Variants in ASAP2 observed in about 807,000 individuals in gnomAD.
ASAP2 encodes the protein arf-GAP with SH3 domain, ANK repeat and PH domain-containing protein 2.
ASAP2 carries 45 observed loss-of-function variants against 131.4 expected under a neutral mutation model. The observed-to-expected ratio is 0.34, with a 90% CI of 0.27 to 0.44. ASAP2 has a LOEUF of 0.44. Ranked by LOEUF, ASAP2 falls within the 20% of genes least tolerant of loss-of-function variation. The pLI is 1.00. For synonymous variants in ASAP2, 510 were observed against 503.0 expected (o/e 1.01, Z -0.19); for missense variants, 1,011 against 1,297.0 (o/e 0.78, Z 3.39).
intron 3 of ASAP2, 52 bp downstream of exon 3, chr2:9,297,497 C>A: frequency 6.2e-7 from 1 of 1,602,232 alleles, no homozygotes; most frequent in Non-Finnish European, 8.5e-7. Context: ...GGGAAAGTGG[C>A]TCAGTAGAGG....
At chr2:9,269,748 G>A (rs1009811514) in intron 1 of ASAP2, among the ~76,000 whole-genome samples, 1 of 152,178 alleles carries the variant, frequency 6.6e-6, no homozygotes, top group African/African-American at 2.4e-5. Flanking sequence ...CTGAGGAACT[G>A]AATTTGAAAT....
rs1196162984 is a variant in ASAP2, at chr2:9,391,056, G to T, written c.2384-6G>T. The T allele has an allele frequency of 1.9e-6, 3 of 1,614,092 alleles. No homozygotes were observed. Among genetic ancestry groups the T allele is most frequent in the African/African-American group, 2.7e-5 (2 of 74,934 alleles). ...CATGCGTCTGTGTGCATGCGTGTGGGTTCAGTTCAGACAGCCTCCTCTGCT... is the reference window on the plus strand; with the variant it reads ...CATGCGTCTGTGTGCATGCGTGTGGTTTCAGTTCAGACAGCCTCCTCTGCT... On this transcript the variant is annotated splice_region_variant and splice_polypyrimidine_tract_variant and intron_variant, in intron 22 of 27. Coordinates refer to ENST00000281419, the MANE Select transcript of ASAP2 (RefSeq NM_003887.3).
At chr2:9,245,453 A>C (rs766502476) in intron 1 of ASAP2, among the ~76,000 whole-genome samples, 1 of 151,904 alleles carries the variant, frequency 6.6e-6, no homozygotes, top group African/African-American at 2.4e-5. Context: ...AACAAACCCT[A>C]AAAGATTAGT....
At chr2:9,356,012 C>G (rs1672672733) in intron 12 of ASAP2, 35 bp from the exon 13 acceptor site, 2 of 1,611,390 alleles carry the variant, frequency 1.2e-6, no homozygotes, top group Non-Finnish European at 1.7e-6. Flanking sequence ...GGATTGCTGT[C>G]TGGGCTCACA....
At chr2:9,385,454 A>G in intron 21 of ASAP2, 96 bp downstream of exon 21, 5 of 965,782 alleles carry the variant, frequency 5.2e-6, no homozygotes, top group Non-Finnish European at 8.1e-6. Context: ...GCTGTTTTAT[A>G]GAAATGAAAA....
At chr2:9,390,201 C>T in intron 22 of ASAP2, among the ~76,000 whole-genome samples, 1 of 152,212 alleles carries the variant, frequency 6.6e-6, no homozygotes, top group Non-Finnish European at 1.5e-5. Flanking sequence ...TACCTGCCAT[C>T]TCCACCATTC....
chr2:9,366,490 G>C (rs73148796), intron 15 of ASAP2, among the ~76,000 whole-genome samples: 5 of 152,184 alleles, frequency 3.3e-5, no homozygotes, highest in African/African-American at 1.2e-4. Flanking sequence ...TAAACCAGGC[G>C]CTCTGACATT....
At chr2:9,348,886 G>A (rs1311258381) in intron 11 of ASAP2, among the ~76,000 whole-genome samples, 2 of 152,182 alleles carry the variant, frequency 1.3e-5, no homozygotes, top group African/African-American at 4.8e-5. Context: ...GATAAGTCCA[G>A]GCAAGCAACC....
chr2:9,368,500 C>G lies in ASAP2; in HGVS notation c.1537C>G (p.Pro513Ala), dbSNP rs754408037. ...CCTACCAGCTGAGGACTCAGTCAAA[C>G]CCAACCCAGGCAGCGACATGTAAGT... ...CCLPAEDSVK[P>A]NPGSDMNARK... Residue 513 changes from proline (P) to alanine (A), a missense_variant, in exon 16 of 28, where the codon CCC becomes GCC. This residue lies in a region of ASAP2 where 652 missense variants were observed against 698.9 expected (regional missense o/e 0.93). Transcript: ENST00000281419. 18 of 1,614,062 alleles carry G rather than the reference C, an allele frequency of 1.1e-5. No homozygotes were observed. Among genetic ancestry groups the G allele is most frequent in the Non-Finnish European group, 1.5e-5 (18 of 1,179,974 alleles).
chr2:9,286,405 GA>G (rs1667462745), intron 2 of ASAP2, among the ~76,000 whole-genome samples: 1 of 135,460 alleles, frequency 7.4e-6, no homozygotes, highest in African/African-American at 3.0e-5. Context: ...CTCCAAAACA[GA>G]AAAAAAGGAA....
At chr2:9,355,626 G>T (rs1672649464) in intron 12 of ASAP2, among the ~76,000 whole-genome samples, 1 of 152,138 alleles carries the variant, frequency 6.6e-6, no homozygotes, top group African/African-American at 2.4e-5. Context: ...ATTATTCTTA[G>T]AATTTCTCAT....
intron 9 of ASAP2, among the ~76,000 whole-genome samples, chr2:9,339,892 AC>A (rs1671462387): frequency 2.0e-5 from 3 of 152,022 alleles, no homozygotes; most frequent in Admixed American, 2.0e-4. Flanking sequence ...GGGAGGAGGG[AC>A]CTGTTCCTAT....
rs546188232 is a variant in ASAP2, at chr2:9,277,842, T to G, written c.127-1475T>G. ...GCCACTCTGTCAAATGTCTGGTGCCTTGTGATCATTTTTCCATTTAAAATT... is the reference window on the plus strand; with the variant it reads ...GCCACTCTGTCAAATGTCTGGTGCCGTGTGATCATTTTTCCATTTAAAATT... On this transcript the variant is annotated intron_variant, in intron 1 of 27. Coordinates refer to ENST00000281419, the MANE Select transcript of ASAP2 (RefSeq NM_003887.3). Among the ~76,000 whole-genome samples, 7 of 152,370 alleles carry G rather than the reference T, an allele frequency of 4.6e-5. No individual in the cohort carries two copies. In the East Asian group the frequency reaches 1.3e-3, roughly 29 times the overall value.
intron 2 of ASAP2, among the ~76,000 whole-genome samples, chr2:9,284,092 T>C (rs1667310332): frequency 6.6e-6 from 1 of 152,212 alleles, no homozygotes; most frequent in African/African-American, 2.4e-5. Flanking sequence ...TCTCCCCATC[T>C]CAAGTTCAGC....
rs905087721 is a variant in ASAP2 at position 9,344,561 on chromosome 2, T to C, written c.879T>C (p.Tyr293=). 8.7e-6 allele frequency: 14 copies of C among 1,614,048 alleles called. No homozygotes were observed. The highest frequency in any genetic ancestry group is 1.2e-5 in the Non-Finnish European group (14 of 1,180,010). The change falls in exon 10 of 28, where the codon TAT becomes TAC. Residue 293 remains tyrosine, a synonymous_variant. Coordinates refer to ENST00000281419, the MANE Select transcript of ASAP2 (RefSeq NM_003887.3). ...CCCAAATTCGTCAGAGCACAGCTTATAGCTTACATCAGCCTCAGGGAAACA... is the reference window on the plus strand; with the variant it reads ...CCCAAATTCGTCAGAGCACAGCTTACAGCTTACATCAGCCTCAGGGAAACA... ...EDSQIRQSTA[Y]SLHQPQGNKE...
chr2:9,211,887 C>G (rs1282113860), intron 1 of ASAP2, among the ~76,000 whole-genome samples: 1 of 152,326 alleles, frequency 6.6e-6, no homozygotes, highest in Non-Finnish European at 1.5e-5. Flanking sequence ...AAGGACATCA[C>G]CTTCTTGCCC....
chr2:9,403,683 T>G lies in ASAP2; in HGVS notation c.*356T>G, dbSNP rs1676943105. 4.9e-6 allele frequency: 1 copy of G among 204,672 alleles called. No homozygotes were observed. The highest frequency in any genetic ancestry group is 9.3e-5 in the South Asian group (1 of 10,780). 12.7% of individuals were successfully genotyped at this position (204,672 alleles called of 1,614,324 possible). A position where few individuals can be genotyped will look rare whatever the true frequency, so the allele number is the denominator to read the frequency against. On this transcript the variant is annotated 3_prime_UTR_variant, in exon 28 of 28. Transcript: ENST00000281419. Reference sequence around the variant, plus strand: ...TTCTTCCTGCATTCCTTGGCCCAGTTCTGGAGTTGGTGACCTTTATCACAA... The same window carrying G: ...TTCTTCCTGCATTCCTTGGCCCAGTGCTGGAGTTGGTGACCTTTATCACAA...
chr2:9,263,773 G>A (rs933772315), intron 1 of ASAP2, among the ~76,000 whole-genome samples: 4 of 152,154 alleles, frequency 2.6e-5, no homozygotes, highest in Admixed American at 1.3e-4. Flanking sequence ...TGTTCATACC[G>A]CATGACACCG....
chr2:9,358,874 A>G lies in ASAP2; in HGVS notation c.1446A>G (p.Gly482=). The change falls in exon 15 of 28, where the codon GGA becomes GGG. Residue 482 remains glycine (G), a synonymous_variant. Transcript: ENST00000281419. ...AGTCCCTGACCTTAGATGTACTGGG[A>G]ACATCTGAGCTGCTGGTAATTTTTA... is the stretch of plus-strand genomic sequence containing the variant. ...RMQSLTLDVL[G]TSELLLAKNI... The G allele has an allele frequency of 6.2e-7, 1 of 1,610,224 alleles. No homozygotes were observed. Among genetic ancestry groups the G allele is most frequent in the South Asian group, 1.1e-5 (1 of 90,524 alleles).
Sources: gnomAD v4.1 joint callset for allele counts (sites outside exome capture counted in the v4.1 genomes callset) on GRCh38, gnomAD v4.1.1 for gene constraint, gnomAD v4.1.1 regional missense constraint, MANE v1.5 for transcripts, NCBI Gene and HGNC (gene_info 2026-07-23, HGNC 2026-07-21) for gene names.